Variants in SCO1 observed in about 807,000 individuals in gnomAD.
The protein encoded by SCO1 is synthesis of cytochrome C oxidase 1.
SCO1 carries 23 observed loss-of-function variants against 34.0 expected under a neutral mutation model. That is an observed-to-expected ratio of 0.68 (90% CI 0.49 to 0.96). The LOEUF is 0.96. Ranked by LOEUF, SCO1 falls within the 40% of genes least tolerant of loss-of-function variation. The probability of loss-of-function intolerance (pLI) is 0.00; values close to 1 mark genes in which losing one functional copy is unlikely to be tolerated. For synonymous variants in SCO1, 161 were observed against 145.5 expected (o/e 1.11, Z -0.77); for missense variants, 404 against 381.6 (o/e 1.06, Z -0.49).
chr17:10,693,896 T>C (rs1040901115), intron 2 of SCO1, among the ~76,000 whole-genome samples: 2 of 152,198 alleles, frequency 1.3e-5, no homozygotes, highest in African/African-American at 4.8e-5. Flanking sequence ...TGAATGAATA[T>C]ATAGGAAACA....
In SCO1 at chr17:10,697,328, A is replaced by G. The variant is rs757059578; in HGVS notation, c.180T>C (p.Tyr60=). 2 of 1,572,366 alleles carry G rather than the reference A, an allele frequency of 1.3e-6. No homozygotes were observed. The part of the protein sequence containing the change: ...EAWRASGRPG[Y]CLGTRPLSTA... ...TGCTGAGGGGCCGGGTTCCCAGGCA[A>G]TAGCCAGGGCGCCCCGAGGCACGCC... Residue 60 remains tyrosine, a synonymous_variant, in exon 1 of 6, where the codon TAT becomes TAC. Coordinates refer to ENST00000255390, the MANE Select transcript of SCO1 (RefSeq NM_004589.4).
At position 10,697,288 on chromosome 17, in the gene SCO1, G is replaced by C. The variant is rs1426952935; in HGVS notation, c.220C>G (p.Pro74Ala). ...CCGGGGCCCTTCTGCGACCACGGGG[G>C]TGGCGGCCTCGCAGTGCTGAGGGGC... is the stretch of plus-strand genomic sequence containing the variant. ...TRPLSTARPPPPWSQKGPGDS... is the reference protein window; with the variant it reads ...TRPLSTARPPAPWSQKGPGDS... The change falls in exon 1 of 6, where the codon CCC (proline) becomes GCC (alanine). Residue 74 changes from proline (P) to alanine (A), a missense_variant. Coordinates refer to ENST00000255390, the MANE Select transcript of SCO1 (RefSeq NM_004589.4). 4 of 1,566,108 alleles carry C rather than the reference G, an allele frequency of 2.6e-6. No homozygotes were observed. Among genetic ancestry groups the C allele is most frequent in the Non-Finnish European group, 2.6e-6 (3 of 1,155,560 alleles).
intron 2 of SCO1, 183 bp downstream of exon 2, chr17:10,695,558 T>G (rs2074715945): frequency 1.8e-6 from 1 of 557,710 alleles, no homozygotes; most frequent in East Asian, 3.1e-5. Flanking sequence ...TGTGTCATGG[T>G]TATACAAGAT....
At chr17:10,687,928 A>G (rs746847520) in intron 4 of SCO1, among the ~76,000 whole-genome samples, 12 of 152,250 alleles carry the variant, frequency 7.9e-5, no homozygotes, top group Non-Finnish European at 1.6e-4. Flanking sequence ...AAGACTGTGC[A>G]TAACTCAATG....
At position 10,680,898 on chromosome 17, in the gene SCO1, A is replaced by G; in HGVS notation, c.*221T>C. On this transcript the variant is annotated 3_prime_UTR_variant, in exon 6 of 6. Coordinates refer to ENST00000255390, the MANE Select transcript of SCO1 (RefSeq NM_004589.4). ...TTCAGCTTGATCCTCTGGTCTCCCC[A>G]CAGCTTCCTGGGAGACTTTGGGTTG... is the stretch of plus-strand genomic sequence containing the variant. 1.7e-6 allele frequency: 1 copy of G among 588,860 alleles called. No homozygotes were observed. The highest frequency in any genetic ancestry group is 3.0e-6 in the Non-Finnish European group (1 of 333,900). 36.5% of individuals were successfully genotyped at this position (588,860 alleles called of 1,614,324 possible).
At chr17:10,681,305 T>G in intron 5 of SCO1, 52 bp from the exon 6 acceptor site, 1 of 1,584,326 alleles carries the variant, frequency 6.3e-7, no homozygotes, top group African/African-American at 1.3e-5. Context: ...ATAAGCTGCT[T>G]ATTTTACTGA....
At position 10,689,885 on chromosome 17, in the gene SCO1, T is replaced by C. The variant is rs141901860; in HGVS notation, c.655+1987A>G. Among the ~76,000 whole-genome samples the C allele has an allele frequency of 4.0e-3, 612 of 152,098 alleles. 8 individuals carry two copies. The highest frequency in any genetic ancestry group is 0.013 in the African/African-American group (538 of 41,490). The stretch of plus-strand genomic sequence containing the variant: ...AGACACACAGACCAATGGAACAGAA[T>C]AGAGGACCGAGAAATTAAGCCAACT... On this transcript the variant is annotated intron_variant, in intron 4 of 5. Coordinates refer to ENST00000255390, the MANE Select transcript of SCO1 (RefSeq NM_004589.4).
chr17:10,688,043 G>A (rs150836479), intron 4 of SCO1, among the ~76,000 whole-genome samples: 230 of 152,248 alleles, frequency 1.5e-3, no homozygotes, highest in Non-Finnish European at 2.8e-3. Context: ...TTAAGTATAC[G>A]TAGTAAAAAC....
intron 4 of SCO1, among the ~76,000 whole-genome samples, chr17:10,691,340 C>T (rs536563995): frequency 4.6e-5 from 7 of 152,140 alleles, no homozygotes; most frequent in Admixed American, 3.3e-4. Flanking sequence ...AGGCTGGTCT[C>T]AAACTCCTGA....
chr17:10,697,298 C>G lies in SCO1; in HGVS notation c.210G>C (p.Ala70=). The part of the protein sequence containing the change: ...YCLGTRPLST[A]RPPPPWSQKG... ...TCTGCGACCACGGGGGTGGCGGCCT[C>G]GCAGTGCTGAGGGGCCGGGTTCCCA... The change falls in exon 1 of 6, where the codon GCG becomes GCC. Residue 70 remains alanine (A), a synonymous_variant. Coordinates refer to ENST00000255390, the MANE Select transcript of SCO1 (RefSeq NM_004589.4). 6.4e-7 allele frequency: 1 copy of G among 1,566,458 alleles called. No homozygotes were observed. The highest frequency in any genetic ancestry group is 8.6e-7 in the Non-Finnish European group (1 of 1,156,290).
rs959140124 is a variant in SCO1 at position 10,681,043 on chromosome 17, A to G, written c.*76T>C. On this transcript the variant is annotated 3_prime_UTR_variant, in exon 6 of 6. Coordinates refer to ENST00000255390, the MANE Select transcript of SCO1 (RefSeq NM_004589.4). ...GTAGAGTGCACGTATATATGTTTAT[A>G]TTTATATAGGCTCCTATGCGAGACA... 72 of 1,534,946 alleles carry G rather than the reference A, an allele frequency of 4.7e-5. No homozygotes were observed. Among genetic ancestry groups the G allele is most frequent in the Non-Finnish European group, 6.0e-5 (66 of 1,108,564 alleles).
intron 4 of SCO1, among the ~76,000 whole-genome samples, chr17:10,689,146 CTGCAGA>C (rs1316029312): frequency 6.8e-6 from 1 of 147,926 alleles, no homozygotes; most frequent in African/African-American, 2.5e-5. Flanking sequence ...GAAAGCAGTT[CTGCAGA>C]TGGGAGATTG....
intron 4 of SCO1, 35 bp from the exon 5 acceptor site, chr17:10,686,877 G>T: frequency 1.4e-6 from 2 of 1,403,226 alleles, no homozygotes; most frequent in Non-Finnish European, 2.0e-6. Context: ...TGAAAAATGA[G>T]AAGCCAGTAA....
chr17:10,691,466 T>G (rs2074688688), intron 4 of SCO1, among the ~76,000 whole-genome samples: 1 of 152,194 alleles, frequency 6.6e-6, no homozygotes, highest in East Asian at 1.9e-4. Flanking sequence ...GTTCAAAATA[T>G]GTTTGTATTT....
At chr17:10,689,079 G>A (rs2074674679) in intron 4 of SCO1, among the ~76,000 whole-genome samples, 1 of 127,518 alleles carries the variant, frequency 7.8e-6, no homozygotes. Flanking sequence ...TCCCGCCACT[G>A]CACTCCAGCC....
rs1304324312 is a variant in SCO1, at chr17:10,679,127, G to GGA, written c.*1990_*1991dup. On this transcript the variant is annotated 3_prime_UTR_variant, in exon 6 of 6. Coordinates refer to ENST00000255390, the MANE Select transcript of SCO1 (RefSeq NM_004589.4). ...TGCCCGGCTAATTTTTGTATTTTTAGGAGAGAGACGACGTTTCACCATGTT... is the reference window on the plus strand; with the variant it reads ...TGCCCGGCTAATTTTTGTATTTTTAGGAGAGAGAGACGACGTTTCACCATGTT... 6.6e-6 allele frequency: 1 copy of GGA among 152,198 alleles called. No individual in the cohort carries two copies. Among genetic ancestry groups the GGA allele is most frequent in the Non-Finnish European group, 1.5e-5 (1 of 68,082 alleles). The allele number at this position is 152,198 out of a possible 1,614,324, so 9.4% of individuals were successfully genotyped here.
At chr17:10,689,219 G>C (rs1445861680) in intron 4 of SCO1, among the ~76,000 whole-genome samples, 1 of 151,942 alleles carries the variant, frequency 6.6e-6, no homozygotes, top group Admixed American at 6.6e-5. Flanking sequence ...AGGGTAACAG[G>C]TATGTTCATT....
In SCO1 at chr17:10,679,851, C is replaced by G. The variant is rs2151450895; in HGVS notation, c.*1268G>C. On this transcript the variant is annotated 3_prime_UTR_variant, in exon 6 of 6. Transcript: ENST00000255390. ...AATGCAGTGGTGTGATTATAGCTCA[C>G]TGAAGCCTTGAATTCCTGGGCTCAA... 6.6e-6 allele frequency: 1 copy of G among 150,982 alleles called. No homozygotes were observed. The highest frequency in any genetic ancestry group is 2.1e-4 in the South Asian group (1 of 4,786). 9.4% of individuals were successfully genotyped at this position (150,982 alleles called of 1,614,324 possible).
At position 10,688,679 on chromosome 17, in the gene SCO1, T is replaced by C. The variant is rs1044796949; in HGVS notation, c.656-1837A>G. On this transcript the variant is annotated intron_variant, in intron 4 of 5. Transcript: ENST00000255390. ...GAAAGCATGTGTCCACACAAAAACA[T>C]GTACATAAATGTTCTTAGCAGCTTT... Among the ~76,000 whole-genome samples the C allele has an allele frequency of 2.1e-4, 32 of 152,312 alleles. 1 individual carries two copies. The East Asian group carries it at 4.6e-3, about 22-fold the overall frequency.
Sources: allele counts gnomAD v4.1 joint callset (sites outside exome capture counted in the v4.1 genomes callset), GRCh38; gene constraint gnomAD v4.1.1; transcripts MANE v1.5; gene names NCBI Gene and HGNC (gene_info 2026-07-23, HGNC 2026-07-21).